Variants in GDA observed in about 807,000 individuals in gnomAD.
The protein encoded by GDA is guanine deaminase.
A neutral mutation model predicts 59.6 loss-of-function variants in GDA; 18 were observed. That is an observed-to-expected ratio of 0.30 (90% CI 0.21 to 0.45). The LOEUF is 0.45. GDA is among the 20% of genes least tolerant of loss of function. The probability of loss-of-function intolerance (pLI) is 1.00; values close to 1 mark genes in which losing one functional copy is unlikely to be tolerated. For synonymous variants in GDA, 201 were observed against 201.1 expected (o/e 1.00, Z 0.00); for missense variants, 427 against 552.3 (o/e 0.77, Z 2.27).
chr9:72,216,384 A>C (rs1435968353), intron 5 of GDA, among the ~76,000 whole-genome samples: 1 of 152,234 alleles, frequency 6.6e-6, no homozygotes, highest in Non-Finnish European at 1.5e-5. Flanking sequence ...TGGGTCACCA[A>C]GGCCATATGA....
upstream of GDA, among the ~76,000 whole-genome samples, chr9:72,146,662 T>G (rs1587337029): frequency 6.6e-6 from 1 of 152,258 alleles, no homozygotes; most frequent in East Asian, 1.9e-4. Context: ...GGATAATTTT[T>G]TATATTTTTG....
At chr9:72,116,386 C>CTTTT (rs201791483) in intron 1 of GDA, among the ~76,000 whole-genome samples, 19 of 128,308 alleles carry the variant, frequency 1.5e-4, no homozygotes, top group Non-Finnish European at 2.4e-4. Context: ...TTTCCCCAGC[C>CTTTT]TTTTTTTTTT....
intron 1 of GDA, among the ~76,000 whole-genome samples, chr9:72,151,495 G>A (rs1827189679): frequency 1.3e-5 from 2 of 151,918 alleles, no homozygotes; most frequent in Non-Finnish European, 2.9e-5. Flanking sequence ...GAGTTGCTGG[G>A]ATAAATATAT....
intron 7 of GDA, 111 bp from the exon 8 acceptor site, chr9:72,225,566 G>A (rs1202029630): frequency 1.6e-6 from 1 of 626,408 alleles, no homozygotes; most frequent in Non-Finnish European, 2.9e-6. Context: ...CTTTCTATGT[G>A]GTCCCTTAAA....
Position 72,174,454 on chromosome 9 carries a change from G to A in GDA, c.124-21046G>A, listed in dbSNP as rs1587476112. 2.0e-5 allele frequency among the ~76,000 whole-genome samples: 3 copies of A among 152,278 alleles called. No homozygotes were observed. The South Asian group carries it at 6.2e-4, about 32-fold the overall frequency. On this transcript the variant is annotated intron_variant, in intron 1 of 13. Coordinates refer to ENST00000358399, the MANE Select transcript of GDA (RefSeq NM_004293.5). ...CATAACTGCTACTTCCTACTTTATG[G>A]ATGAGATAACAGGTGCAGAAAGTTT...
At chr9:72,174,634 C>T (rs974588555) in intron 1 of GDA, among the ~76,000 whole-genome samples, 3 of 151,970 alleles carry the variant, frequency 2.0e-5, no homozygotes, top group Non-Finnish European at 4.4e-5. Context: ...GAAAGAAGCA[C>T]AGAGAGAAGC....
chr9:72,241,004 G>T (rs972956167), intron 10 of GDA, 148 bp from the exon 11 acceptor site: 1 of 493,630 alleles, frequency 2.0e-6, no homozygotes, highest in Non-Finnish European at 3.6e-6. Context: ...TTAAATCTTA[G>T]TCTACGACTA....
chr9:72,170,964 G>A (rs1829898731), intron 1 of GDA, among the ~76,000 whole-genome samples: 1 of 152,078 alleles, frequency 6.6e-6, no homozygotes, highest in African/African-American at 2.4e-5. Flanking sequence ...CTACAGGCGT[G>A]CACCACCATG....
intron 1 of GDA, among the ~76,000 whole-genome samples, chr9:72,166,130 C>T (rs1390773753): frequency 1.3e-5 from 2 of 152,010 alleles, no homozygotes; most frequent in African/African-American, 4.8e-5. Context: ...TTTTCACTGT[C>T]CTGACAATCA....
intron 6 of GDA, among the ~76,000 whole-genome samples, chr9:72,221,196 T>C (rs540518843): frequency 2.0e-5 from 3 of 152,198 alleles, no homozygotes; most frequent in Non-Finnish European, 1.5e-5. Flanking sequence ...CCAGCACACC[T>C]GGACAAGATG....
chr9:72,196,376 C>A (rs1317251774), intron 2 of GDA, among the ~76,000 whole-genome samples: 1 of 151,494 alleles, frequency 6.6e-6, no homozygotes, highest in Non-Finnish European at 1.5e-5. Context: ...ATCCCAGCTA[C>A]CTGGGTGGCT....
Position 72,249,201 on chromosome 9 carries a change from T to G in GDA, c.*859T>G, listed in dbSNP as rs540377875. ...AAACAAATTCCATGCTTTATGGAATTTATGTAGACTGGAGTCTTCGTGAAC... is the reference window on the plus strand; with the variant it reads ...AAACAAATTCCATGCTTTATGGAATGTATGTAGACTGGAGTCTTCGTGAAC... On this transcript the variant is annotated 3_prime_UTR_variant, in exon 14 of 14. Coordinates refer to ENST00000358399, the MANE Select transcript of GDA (RefSeq NM_004293.5). The G allele has an allele frequency of 4.1e-6, 4 of 984,190 alleles. No homozygotes were observed. In the South Asian group the frequency reaches 1.9e-4, roughly 46 times the overall value. 61.0% of individuals were successfully genotyped at this position (984,190 alleles called of 1,614,324 possible).
intron 2 of GDA, among the ~76,000 whole-genome samples, chr9:72,199,955 T>C (rs1833730973): frequency 6.6e-6 from 1 of 151,972 alleles, no homozygotes; most frequent in Non-Finnish European, 1.5e-5. Flanking sequence ...CGCCAACTTC[T>C]AGAGTTACCT....
At chr9:72,212,368 G>C (rs1835493751) in intron 4 of GDA, among the ~76,000 whole-genome samples, 1 of 151,838 alleles carries the variant, frequency 6.6e-6, no homozygotes. Flanking sequence ...TGTAGTCCCA[G>C]CTACTCAGGA....
intron 1 of GDA, among the ~76,000 whole-genome samples, chr9:72,180,438 A>G (rs75760573): frequency 0.028 from 4,191 of 152,148 alleles, 66 homozygotes; most frequent in Middle Eastern, 0.048. Flanking sequence ...TTTTAAATCA[A>G]TGTCTGTGTA....
chr9:72,219,242 A>T (rs1308086137), intron 5 of GDA, among the ~76,000 whole-genome samples: 2 of 152,066 alleles, frequency 1.3e-5, no homozygotes, highest in Non-Finnish European at 2.9e-5. Flanking sequence ...GTCTCTACTA[A>T]AAATACAAAA....
chr9:72,147,967 T>A (rs540299023), upstream of GDA, among the ~76,000 whole-genome samples: 85 of 152,266 alleles, frequency 5.6e-4, no homozygotes, highest in African/African-American at 2.0e-3. Flanking sequence ...CTGAACGGCC[T>A]TTCAGTGCTA....
downstream of GDA, among the ~76,000 whole-genome samples, chr9:72,254,320 T>G (rs1840838877): frequency 6.6e-6 from 1 of 152,110 alleles, no homozygotes; most frequent in African/African-American, 2.4e-5. Flanking sequence ...GAATCTAAAT[T>G]TTGGAGCAGG....
intron 1 of GDA, among the ~76,000 whole-genome samples, chr9:72,177,135 G>A (rs1445897563): frequency 9.0e-6 from 1 of 110,868 alleles, no homozygotes; most frequent in African/African-American, 3.5e-5. Flanking sequence ...GTCTTGCACT[G>A]TTGCCTGGGC....
Sources: allele counts gnomAD v4.1 joint callset (sites outside exome capture counted in the v4.1 genomes callset), GRCh38; gene constraint gnomAD v4.1.1; transcripts MANE v1.5; gene names NCBI Gene and HGNC (gene_info 2026-07-23, HGNC 2026-07-21).